PCDH11X: variants seen among roughly 807,000 people sequenced by gnomAD.
PCDH11X encodes protocadherin-11 X-linked.
PCDH11X carries 18 observed loss-of-function variants against 53.3 expected under a neutral mutation model. That is an observed-to-expected ratio of 0.34 (90% CI 0.23 to 0.50). The LOEUF is 0.50. PCDH11X is among the 20% of genes least tolerant of loss of function. The pLI, the probability that PCDH11X is intolerant of heterozygous loss-of-function variation, is 0.98. For missense variants in PCDH11X, 570 were observed against 1,032.4 expected (o/e 0.55, Z 6.14); for synonymous variants, 279 against 393.3 (o/e 0.71, Z 3.44).
At chrX:91,901,219 A>C (rs1322066283) in intron 6 of PCDH11X, among the ~76,000 whole-genome samples, 1 of 111,848 alleles carries the variant, frequency 8.9e-6, no homozygotes, top group East Asian at 2.8e-4. Context: ...CTTGATGAGC[A>C]TTATGCCCCT....
At chrX:92,307,251 G>A (rs1336547810) in intron 8 of PCDH11X, among the ~76,000 whole-genome samples, 1 of 108,607 alleles carries the variant, frequency 9.2e-6, no homozygotes, top group East Asian at 2.9e-4. Context: ...CATATTTAAG[G>A]GATTATATAC....
chrX:92,458,067 A>G (rs1156341932), intron 9 of PCDH11X, among the ~76,000 whole-genome samples: 1 of 107,440 alleles, frequency 9.3e-6, no homozygotes, highest in African/African-American at 3.4e-5. Flanking sequence ...GTACTTCTCA[A>G]ATGAAATCTC....
chrX:92,236,819 A>G (rs2067179771), intron 7 of PCDH11X, among the ~76,000 whole-genome samples: 1 of 111,749 alleles, frequency 8.9e-6, no homozygotes, highest in Admixed American at 9.6e-5. Context: ...TACAAAGAGA[A>G]AATAAATTTT....
At chrX:92,460,279 C>T in intron 9 of PCDH11X, 3 of 824,487 alleles carry the variant, frequency 3.6e-6, no homozygotes, top group Non-Finnish European at 5.4e-6. Flanking sequence ...GATTGAGGCT[C>T]TCAGGGAGGA....
intron 8 of PCDH11X, among the ~76,000 whole-genome samples, chrX:92,357,892 TTA>T (rs1054691067): frequency 7.2e-5 from 8 of 111,456 alleles, no homozygotes; most frequent in Non-Finnish European, 1.3e-4. Context: ...ATATTTTATT[TTA>T]TGTTTTACCT....
intron 6 of PCDH11X, among the ~76,000 whole-genome samples, chrX:92,036,758 T>G: frequency 9.0e-6 from 1 of 110,895 alleles, no homozygotes. Flanking sequence ...TTGGAACAGT[T>G]TGGAGGGCTC....
chrX:92,484,643 A>G (rs907447051), intron 10 of PCDH11X, among the ~76,000 whole-genome samples: 18 of 109,978 alleles, frequency 1.6e-4, no homozygotes, highest in Non-Finnish European at 2.8e-4. Context: ...TGAAAATCAA[A>G]CCTCATATGT....
rs755805421 is a variant in PCDH11X at position 92,393,263 on chromosome X, A to T, written c.3343+5330A>T. Among the ~76,000 whole-genome samples, 2 of 111,141 alleles carry T rather than the reference A, an allele frequency of 1.8e-5. 1 individual carries two copies. Among genetic ancestry groups the T allele is most frequent in the South Asian group, 7.4e-4 (2 of 2,715 alleles). ...CCAATTCTGACTCTGTAGGCTATGTATTTGTAAGATTATTTCTTAAAACTG... is the reference window on the plus strand; with the variant it reads ...CCAATTCTGACTCTGTAGGCTATGTTTTTGTAAGATTATTTCTTAAAACTG... On this transcript the variant is annotated intron_variant, in intron 9 of 10. Coordinates refer to ENST00000682573, the MANE Select transcript of PCDH11X (RefSeq NM_032968.5).
chrX:92,287,358 C>T (rs1046734075), intron 8 of PCDH11X, among the ~76,000 whole-genome samples: 1 of 111,069 alleles, frequency 9.0e-6, no homozygotes, highest in African/African-American at 3.3e-5. Context: ...CCCTGACAGG[C>T]CCTGGTGTGT....
chrX:92,224,833 A>G (rs922616388), intron 7 of PCDH11X, among the ~76,000 whole-genome samples: 1 of 112,425 alleles, frequency 8.9e-6, no homozygotes, highest in Admixed American at 9.5e-5. Context: ...TAAAATTTAC[A>G]CTTAATCACT....
At chrX:92,019,474 G>A (rs35958873) in intron 6 of PCDH11X, among the ~76,000 whole-genome samples, 4 of 110,989 alleles carry the variant, frequency 3.6e-5, no homozygotes, top group Admixed American at 9.6e-5. Context: ...CACACTCTTC[G>A]GCAAGTGCAA....
At chrX:92,319,115 T>A (rs2755361) in intron 8 of PCDH11X, among the ~76,000 whole-genome samples, 37,994 of 110,792 alleles carry the variant, frequency 0.34, 6,525 homozygotes, top group East Asian at 0.86. Flanking sequence ...GATTTCATTC[T>A]CTATCAAAAC....
In PCDH11X at chrX:92,401,837, C is replaced by T. The variant is rs928586282; in HGVS notation, c.3343+13904C>T. ...AAAATTACTATGGATCAAATGATAA[C>T]GCTTCATTTGTATTCTGCTTTTTTG... On this transcript the variant is annotated intron_variant, in intron 9 of 10. Coordinates refer to ENST00000682573, the MANE Select transcript of PCDH11X (RefSeq NM_032968.5). 4.5e-5 allele frequency among the ~76,000 whole-genome samples: 5 copies of T among 111,920 alleles called. No individual in the cohort carries two copies. The East Asian group carries it at 8.4e-4, about 19-fold the overall frequency.
At chrX:91,904,887 G>A (rs1941094589) in intron 6 of PCDH11X, among the ~76,000 whole-genome samples, 1 of 109,669 alleles carries the variant, frequency 9.1e-6, no homozygotes, top group African/African-American at 3.3e-5. Context: ...AACACTGGAG[G>A]CAATTCCATT....
chrX:92,174,616 T>A (rs2065876330), intron 6 of PCDH11X, among the ~76,000 whole-genome samples: 1 of 111,887 alleles, frequency 8.9e-6, no homozygotes, highest in African/African-American at 3.2e-5. Context: ...AAGAGAATGT[T>A]TGATTTTAAA....
At position 92,131,785 on chromosome X, in the gene PCDH11X, G is replaced by C. The variant is rs956064032; in HGVS notation, c.3034-69590G>C. 4.5e-5 allele frequency among the ~76,000 whole-genome samples: 5 copies of C among 109,995 alleles called. No individual in the cohort carries two copies. The Admixed American group carries it at 4.9e-4, about 11-fold the overall frequency. On this transcript the variant is annotated intron_variant, in intron 6 of 10. Coordinates refer to ENST00000682573, the MANE Select transcript of PCDH11X (RefSeq NM_032968.5). ...CTTATCTTGTCTCCTGCTAAATCAC[G>C]GAGGTTTGGGGAGTTCCTGGAGGAC...
intron 10 of PCDH11X, among the ~76,000 whole-genome samples, chrX:92,518,014 G>T (rs1441588419): frequency 9.3e-6 from 1 of 108,089 alleles, no homozygotes; most frequent in Non-Finnish European, 1.9e-5. Flanking sequence ...GGTAAAAATT[G>T]CTTGCTCTAA....
chrX:92,029,843 A>G (rs1021779371), intron 6 of PCDH11X, among the ~76,000 whole-genome samples: 2 of 112,465 alleles, frequency 1.8e-5, no homozygotes, highest in African/African-American at 6.5e-5. Context: ...ATCACCTATT[A>G]CATAAAGAGA....
In PCDH11X at chrX:92,391,802, G is replaced by T. The variant is rs1203205792; in HGVS notation, c.3343+3869G>T. 2.7e-5 allele frequency among the ~76,000 whole-genome samples: 3 copies of T among 110,798 alleles called. No homozygotes were observed. In the East Asian group the frequency reaches 8.4e-4, roughly 31 times the overall value. ...AATATTTTTACATTTCTACTGATCT[G>T]CTGGCATATTATAATTTTCCAGCTT... On this transcript the variant is annotated intron_variant, in intron 9 of 10. Coordinates refer to ENST00000682573, the MANE Select transcript of PCDH11X (RefSeq NM_032968.5).
Sources: allele counts gnomAD v4.1 joint callset (sites outside exome capture counted in the v4.1 genomes callset), GRCh38; gene constraint gnomAD v4.1.1; transcripts MANE v1.5; gene names NCBI Gene and HGNC (gene_info 2026-07-23, HGNC 2026-07-21).